Variants in PTGER3 observed in about 807,000 individuals in gnomAD.
PTGER3 encodes the protein prostaglandin E receptor 3.
A neutral mutation model predicts 34.7 loss-of-function variants in PTGER3; 22 were observed. That is an observed-to-expected ratio of 0.63 (90% CI 0.45 to 0.91). The LOEUF is 0.91. Among genes scored for constraint, PTGER3 ranks in the 40% least tolerant of loss-of-function variants. The probability of loss-of-function intolerance (pLI) is 0.00; values close to 1 mark genes in which losing one functional copy is unlikely to be tolerated. For synonymous variants in PTGER3, 241 were observed against 230.1 expected, an observed-to-expected ratio of 1.05 and a Z score of -0.43; for missense variants, 468 against 519.4, an observed-to-expected ratio of 0.90 and a Z score of 0.96.
intron 2 of PTGER3, among the ~76,000 whole-genome samples, chr1:70,978,623 G>A (rs903572992): frequency 6.6e-6 from 1 of 152,044 alleles, no homozygotes; most frequent in Non-Finnish European, 1.5e-5. Flanking sequence ...TGCTCTAGTT[G>A]GGAAGCAATT....
At chr1:70,891,257 G>A (rs1296751977) in intron 4 of PTGER3, among the ~76,000 whole-genome samples, 1 of 152,174 alleles carries the variant, frequency 6.6e-6, no homozygotes, top group Non-Finnish European at 1.5e-5. Flanking sequence ...ATTAAGGATT[G>A]TTTAATGAAA....
chr1:70,902,477 G>A (rs1646860544), intron 4 of PTGER3, among the ~76,000 whole-genome samples: 1 of 152,198 alleles, frequency 6.6e-6, no homozygotes, highest in Non-Finnish European at 1.5e-5. Flanking sequence ...TCAGTTTCAT[G>A]GAGAAGCAGA....
At chr1:70,923,425 T>A (rs962226329) in intron 4 of PTGER3, among the ~76,000 whole-genome samples, 14 of 152,180 alleles carry the variant, frequency 9.2e-5, no homozygotes. Context: ...CAGACAATTT[T>A]TGTCCTGTTT....
chr1:70,987,437 A>G (rs1655029911), intron 2 of PTGER3, among the ~76,000 whole-genome samples: 1 of 152,236 alleles, frequency 6.6e-6, no homozygotes, highest in African/African-American at 2.4e-5. Context: ...AAAATATTAA[A>G]TGCACTCTTC....
chr1:70,919,610 C>A (rs1457568489), intron 4 of PTGER3, among the ~76,000 whole-genome samples: 1 of 152,164 alleles, frequency 6.6e-6, no homozygotes, highest in East Asian at 1.9e-4. Context: ...CCCACAGTGA[C>A]TAAAATTCAG....
chr1:70,916,685 G>A (rs1306729206), intron 4 of PTGER3, among the ~76,000 whole-genome samples: 4 of 151,914 alleles, frequency 2.6e-5, no homozygotes, highest in African/African-American at 7.2e-5. Context: ...GAGTACACAC[G>A]GACATAAATG....
At chr1:70,994,926 G>A (rs1655800502) in intron 2 of PTGER3, among the ~76,000 whole-genome samples, 1 of 152,076 alleles carries the variant, frequency 6.6e-6, no homozygotes, top group Non-Finnish European at 1.5e-5. Flanking sequence ...GGGGAGGAGA[G>A]GAAGTGGGAG....
At chr1:70,913,744 T>G (rs2100404576) in intron 4 of PTGER3, among the ~76,000 whole-genome samples, 1 of 152,024 alleles carries the variant, frequency 6.6e-6, no homozygotes, top group South Asian at 2.1e-4. Flanking sequence ...AATTATGTGG[T>G]TTTTCTTCTT....
At chr1:70,871,131 T>C (rs1468853588) in intron 4 of PTGER3, among the ~76,000 whole-genome samples, 1 of 152,208 alleles carries the variant, frequency 6.6e-6, no homozygotes, top group East Asian at 1.9e-4. Flanking sequence ...TCCATGGTTC[T>C]GCAGGTCACA....
In PTGER3 at chr1:70,855,984, T is replaced by C. The variant is rs1385885773; in HGVS notation, c.*24-3125A>G. On this transcript the variant is annotated intron_variant, in intron 4 of 4. Transcript: ENST00000370931. ...TTGCTACAGATTAAAAGGACAAGGA[T>C]TTTCACGGTAGATTAAAAAGTTTGG... Among the ~76,000 whole-genome samples, 4 of 152,150 alleles carry C rather than the reference T, an allele frequency of 2.6e-5. No individual in the cohort carries two copies. The South Asian group carries it at 8.3e-4, about 32-fold the overall frequency.
intron 2 of PTGER3, among the ~76,000 whole-genome samples, chr1:70,956,804 G>A (rs1447616168): frequency 6.6e-6 from 1 of 152,152 alleles, no homozygotes; most frequent in Non-Finnish European, 1.5e-5. Context: ...AGGGGTTCGA[G>A]AACAGCCTGG....
intron 2 of PTGER3, among the ~76,000 whole-genome samples, chr1:70,980,906 A>C (rs1363571646): frequency 6.6e-6 from 1 of 152,152 alleles, no homozygotes; most frequent in East Asian, 1.9e-4. Context: ...AAGCTCAAGC[A>C]ATAGGTTAGC....
rs567768968 is a variant in PTGER3, at chr1:71,026,900, G to A, written c.898-14416C>T. Among the ~76,000 whole-genome samples, 20 of 152,140 alleles carry A rather than the reference G, an allele frequency of 1.3e-4. No individual in the cohort carries two copies. In the East Asian group the frequency reaches 3.9e-3, roughly 29 times the overall value. On this transcript the variant is annotated intron_variant, in intron 1 of 3. Transcript: ENST00000306666. ...AAGAACAAGAAGGAAGCAAACATGA[G>A]GAAGAAACCTGTTCCTACCATGACT...
At chr1:70,930,072 C>T (rs886221678) in intron 4 of PTGER3, among the ~76,000 whole-genome samples, 8 of 152,190 alleles carry the variant, frequency 5.3e-5, no homozygotes, top group African/African-American at 1.9e-4. Flanking sequence ...GTGAAGCTTA[C>T]TTAGTTCCAA....
intron 1 of PTGER3, among the ~76,000 whole-genome samples, chr1:71,022,749 A>C (rs1236833141): frequency 6.6e-6 from 1 of 150,846 alleles, no homozygotes; most frequent in Non-Finnish European, 1.5e-5. Context: ...ACACACACAC[A>C]TACACACACA....
chr1:71,047,365 C>G lies in PTGER3; in HGVS notation c.213G>C (p.Leu71=), dbSNP rs1347978025. The G allele has an allele frequency of 2.5e-6, 4 of 1,610,370 alleles. No homozygotes were observed. Among genetic ancestry groups the G allele is most frequent in the Admixed American group, 1.7e-5 (1 of 59,648 alleles). Residue 71 remains leucine (L), a synonymous_variant, in exon 1 of 4, where the codon CTG becomes CTC. Transcript: ENST00000306666. ...TGFVGNALAM[L]LVSRSYRRRE... is the part of the protein sequence containing the mutation. ...GGCGCCGGTAGCTGCGCGACACGAG[C>G]AGCATGGCCAGTGCGTTGCCCACGA... is the stretch of plus-strand genomic sequence containing the variant.
chr1:71,025,646 A>G lies in PTGER3; in HGVS notation c.898-13162T>C, dbSNP rs75174230. ...AACTGAAGACGAATAATAACAAAACAGCAACTAATGCTTATATAATACTTA... is the reference window on the plus strand; with the variant it reads ...AACTGAAGACGAATAATAACAAAACGGCAACTAATGCTTATATAATACTTA... On this transcript the variant is annotated intron_variant, in intron 1 of 3. Transcript: ENST00000306666. Among the ~76,000 whole-genome samples the G allele has an allele frequency of 8.9e-3, 1,360 of 152,314 alleles. 32 individuals are homozygous for G. Among genetic ancestry groups the G allele is most frequent in the African/African-American group, 0.031 (1,284 of 41,582 alleles).
intron 1 of PTGER3, among the ~76,000 whole-genome samples, chr1:71,023,730 C>A (rs2179412): frequency 0.37 from 56,809 of 151,656 alleles, 11,661 homozygotes; most frequent in South Asian, 0.47. Flanking sequence ...CTCTGTGTGT[C>A]TTTCTCTACG....
At chr1:70,965,593 T>A (rs1159670502) in intron 2 of PTGER3, among the ~76,000 whole-genome samples, 1 of 152,196 alleles carries the variant, frequency 6.6e-6, no homozygotes, top group Non-Finnish European at 1.5e-5. Flanking sequence ...ATACTTAATA[T>A]GACAGTTAGC....
Sources: gnomAD v4.1 joint callset for allele counts (sites outside exome capture counted in the v4.1 genomes callset) on GRCh38, gnomAD v4.1.1 for gene constraint, MANE v1.5 for transcripts, NCBI Gene and HGNC (gene_info 2026-07-23, HGNC 2026-07-21) for gene names.